ZNF143: variants seen among roughly 807,000 people sequenced by gnomAD.
The protein encoded by ZNF143 is SPH-binding factor.
A neutral mutation model predicts 74.1 loss-of-function variants in ZNF143; 49 were observed. The observed-to-expected ratio is 0.66, with a 90% CI of 0.53 to 0.84. The LOEUF is 0.84. Ranked by LOEUF, ZNF143 falls within the 40% of genes least tolerant of loss-of-function variation. The pLI is 0.00. For missense variants in ZNF143, 637 were observed against 793.4 expected, an observed-to-expected ratio of 0.80 and a Z score of 2.37; for synonymous variants, 304 against 282.8, an observed-to-expected ratio of 1.07 and a Z score of -0.75.
intron 7 of ZNF143, among the ~76,000 whole-genome samples, chr11:9,490,019 AT>A (rs931968300): frequency 3.3e-5 from 5 of 149,802 alleles, no homozygotes; most frequent in Admixed American, 6.7e-5. Flanking sequence ...CATTTCTACA[AT>A]TTTTTTTTTA....
rs181959546 is a variant in ZNF143, at chr11:9,477,324, G to T, written c.374-1066G>T. On this transcript the variant is annotated intron_variant, in intron 5 of 15. Coordinates refer to ENST00000396602, the MANE Select transcript of ZNF143 (RefSeq NM_003442.6). ...GGCTGGAGTGCAGTGGTGCAATCTC[G>T]GCTCACTGCAACCTCCACATCCTGG... 3.4e-3 allele frequency among the ~76,000 whole-genome samples: 501 copies of T among 149,042 alleles called. 5 individuals carry two copies. The highest frequency in any genetic ancestry group is 0.012 in the African/African-American group (480 of 40,436).
rs34972213 is a variant in ZNF143 at position 9,512,454 on chromosome 11, G to A, written c.1382G>A (p.Gly461Asp). Residue 461 changes from glycine to aspartate, a missense_variant, in exon 13 of 16, where the codon GGT (glycine) becomes GAT (aspartate). By Grantham distance (94) the Gly-to-Asp change is moderately conservative (BLOSUM62 -1). Coordinates refer to ENST00000396602, the MANE Select transcript of ZNF143 (RefSeq NM_003442.6). ...ATTCATTTGTTTTAAACAGGTCAAG[G>A]TGAAGATGTTCTTAAAGGGTCCCAG... ...EAFFEPPPGQ[G>D]EDVLKGSQIT... 5,798 of 1,614,006 alleles carry A rather than the reference G, an allele frequency of 3.6e-3. 146 individuals are homozygous for A. In the African/African-American group the frequency reaches 0.061, roughly 17 times the overall value.
At position 9,473,973 on chromosome 11, in the gene ZNF143, T is replaced by C. The variant is rs1308437601; in HGVS notation, c.238T>C (p.Leu80=). Residue 80 remains leucine, a synonymous_variant, in exon 4 of 16, where the codon TTG becomes CTG. Transcript: ENST00000396602. ...AKLIDGQVIQ[L]EDGSAAYVQH... ...ACTCATAGATGGCCAGGTCATTCAG[T>C]TGGAAGATGGTTCTGCGGCCTATGT... is the stretch of plus-strand genomic sequence containing the variant. The C allele has an allele frequency of 6.2e-7, 1 of 1,614,168 alleles. No homozygotes were observed. The highest frequency in any genetic ancestry group is 1.7e-5 in the Admixed American group (1 of 60,016).
chr11:9,512,855 A>C (rs2134184258), intron 13 of ZNF143, among the ~76,000 whole-genome samples: 1 of 152,324 alleles, frequency 6.6e-6, no homozygotes, highest in South Asian at 2.1e-4. Flanking sequence ...AGAGAGGCTC[A>C]GGGCTTCAAA....
At chr11:9,525,487 T>G in intron 15 of ZNF143, 101 bp downstream of exon 15, 1 of 1,479,014 alleles carries the variant, frequency 6.8e-7, no homozygotes, top group Non-Finnish European at 9.4e-7. Flanking sequence ...GGAGGCAAGG[T>G]GTAGAATAAT....
chr11:9,485,338 T>TC (rs1491230783), intron 7 of ZNF143, among the ~76,000 whole-genome samples: 1 of 146,622 alleles, frequency 6.8e-6, no homozygotes, highest in Non-Finnish European at 1.5e-5. Context: ...GTTGTTTTTT[T>TC]CTCTCTCTCT....
chr11:9,468,722 A>G (rs1440412781), intron 1 of ZNF143, among the ~76,000 whole-genome samples: 1 of 152,176 alleles, frequency 6.6e-6, no homozygotes, highest in Non-Finnish European at 1.5e-5. Flanking sequence ...GCTTATGCCT[A>G]TAATCCCAGC....
intron 11 of ZNF143, among the ~76,000 whole-genome samples, chr11:9,504,047 C>T (rs1431952559): frequency 1.3e-5 from 2 of 148,834 alleles, no homozygotes; most frequent in African/African-American, 2.5e-5. Flanking sequence ...GCACCCTCCA[C>T]CTCCCACGTT....
In ZNF143 at chr11:9,508,598, T is replaced by C. The variant is rs763249244; in HGVS notation, c.1148-21T>C. The C allele has an allele frequency of 1.0e-4, 160 of 1,600,744 alleles. No homozygotes were observed. The Admixed American group carries it at 2.6e-3, about 26-fold the overall frequency. On this transcript the variant is annotated intron_variant, in intron 11 of 15. Coordinates refer to ENST00000396602, the MANE Select transcript of ZNF143 (RefSeq NM_003442.6). The stretch of plus-strand genomic sequence containing the variant: ...GCCTACATATGTAAAAGTTGAACTT[T>C]TTTTTGGTGTTGCTCTTTAGGAGAA...
intron 6 of ZNF143, among the ~76,000 whole-genome samples, chr11:9,479,100 A>T (rs80098744): frequency 6.6e-6 from 1 of 152,106 alleles, no homozygotes; most frequent in African/African-American, 2.4e-5. Flanking sequence ...CCTGCATTGA[A>T]CATGTATCTC....
intron 7 of ZNF143, among the ~76,000 whole-genome samples, chr11:9,480,063 G>GGTC (rs1847175647): frequency 6.6e-6 from 1 of 152,138 alleles, no homozygotes; most frequent in Non-Finnish European, 1.5e-5. Flanking sequence ...ACTGCTTCCT[G>GGTC]GTCTGCAGGT....
Position 9,497,766 on chromosome 11 carries a change from A to G in ZNF143, c.933A>G (p.Ser311=), listed in dbSNP as rs746733792. Residue 311 remains serine (S), a synonymous_variant, in exon 10 of 16, where the codon TCA becomes TCG. Transcript: ENST00000396602. ...ATTGTACTAAATCTTTCAAAACTTC[A>G]GGAGATCTACAGAAACACATCAGAA... ...EDNCTKSFKT[S]GDLQKHIRTH... 6.2e-7 allele frequency: 1 copy of G among 1,610,404 alleles called. No individual in the cohort carries two copies. The highest frequency in any genetic ancestry group is 1.7e-5 in the Admixed American group (1 of 59,800).
chr11:9,484,785 C>A (rs1053240258), intron 7 of ZNF143, among the ~76,000 whole-genome samples: 1 of 105,736 alleles, frequency 9.5e-6, no homozygotes, highest in Non-Finnish European at 1.9e-5. Flanking sequence ...CGTGAGCCAC[C>A]GCACCTGGCC....
At chr11:9,498,593 G>T (rs774050787) in intron 10 of ZNF143, among the ~76,000 whole-genome samples, 7 of 151,862 alleles carry the variant, frequency 4.6e-5, no homozygotes, top group Admixed American at 6.6e-5. Flanking sequence ...TTACCTCCCC[G>T]ACCATCTCCT....
chr11:9,498,945 C>T (rs1357926665), intron 10 of ZNF143, among the ~76,000 whole-genome samples: 1 of 152,158 alleles, frequency 6.6e-6, no homozygotes, highest in Non-Finnish European at 1.5e-5. Context: ...TCTCTACTTC[C>T]ATCTCATTCA....
chr11:9,523,134 T>A (rs2134262254), intron 14 of ZNF143, among the ~76,000 whole-genome samples: 1 of 152,282 alleles, frequency 6.6e-6, no homozygotes, highest in Non-Finnish European at 1.5e-5. Context: ...GATTCTGAAT[T>A]TTGTTATCTT....
intron 8 of ZNF143, among the ~76,000 whole-genome samples, chr11:9,495,169 C>A (rs771535758): frequency 2.6e-5 from 4 of 152,092 alleles, no homozygotes; most frequent in Non-Finnish European, 5.9e-5. Context: ...TAAGGCTGGG[C>A]GTGGTGGCTC....
At chr11:9,516,115 A>G (rs1848713405) in intron 13 of ZNF143, 86 bp from the exon 14 acceptor site, 2 of 1,322,912 alleles carry the variant, frequency 1.5e-6, no homozygotes, top group East Asian at 2.4e-5. Context: ...GGGCAAACTT[A>G]TACAAGGATT....
At chr11:9,501,925 C>CTTTTTTTTT (rs57169874) in intron 11 of ZNF143, among the ~76,000 whole-genome samples, 4 of 37,436 alleles carry the variant, frequency 1.1e-4, no homozygotes, top group South Asian at 1.3e-3. Context: ...TGGATATATT[C>CTTTTTTTTT]TTTTTTTTTT....
Sources: allele counts gnomAD v4.1 joint callset (sites outside exome capture counted in the v4.1 genomes callset), GRCh38; gene constraint gnomAD v4.1.1; transcripts MANE v1.5; gene names NCBI Gene and HGNC (gene_info 2026-07-23, HGNC 2026-07-21).